TNS3: variants seen among roughly 807,000 people sequenced by gnomAD.
TNS3 encodes tensin-3.
TNS3 carries 45 observed loss-of-function variants against 140.9 expected under a neutral mutation model. That is an observed-to-expected ratio of 0.32 (90% CI 0.25 to 0.41). The LOEUF is 0.41. Ranked by LOEUF, TNS3 falls within the 10% of genes least tolerant of loss-of-function variation. The probability of loss-of-function intolerance (pLI) is 1.00; values close to 1 mark genes in which losing one functional copy is unlikely to be tolerated. For missense variants in TNS3, 1,716 were observed against 1,906.7 expected, an observed-to-expected ratio of 0.90 and a Z score of 1.86; for synonymous variants, 815 against 788.4, an observed-to-expected ratio of 1.03 and a Z score of -0.56.
At chr7:47,344,235 G>A (rs1449897349) in intron 20 of TNS3, among the ~76,000 whole-genome samples, 2 of 152,092 alleles carry the variant, frequency 1.3e-5, no homozygotes, top group Non-Finnish European at 2.9e-5. Flanking sequence ...ACACTCTCTC[G>A]CCTGAGCCAG....
chr7:47,558,247 A>AGCCGGT (rs1413779732), intron 1 of TNS3, among the ~76,000 whole-genome samples: 3 of 152,234 alleles, frequency 2.0e-5, no homozygotes, highest in Non-Finnish European at 2.9e-5. Flanking sequence ...AGCTACAGCA[A>AGCCGGT]GCCGGTGCCG....
At position 47,387,459 on chromosome 7, in the gene TNS3, G is replaced by A; in HGVS notation, c.1024+9341C>T. Among the ~76,000 whole-genome samples, 2 of 152,216 alleles carry A rather than the reference G, an allele frequency of 1.3e-5. 1 individual carries two copies. Among genetic ancestry groups the A allele is most frequent in the East Asian group, 3.8e-4 (2 of 5,200 alleles). On this transcript the variant is annotated intron_variant, in intron 16 of 30. Coordinates refer to ENST00000311160, the MANE Select transcript of TNS3 (RefSeq NM_022748.12). ...CTTAAAGGGAGCGTGCATGTGGATG[G>A]TGGTCTCCTAGCCCAGATGGCCGAA...
chr7:47,282,252 A>G (rs1011456600), intron 28 of TNS3, among the ~76,000 whole-genome samples: 27 of 145,484 alleles, frequency 1.9e-4, no homozygotes, highest in African/African-American at 7.0e-4. Context: ...GCCATACCCA[A>G]CTGGGACCCT....
intron 6 of TNS3, among the ~76,000 whole-genome samples, chr7:47,437,785 C>CAT (rs59194073): frequency 8.2e-6 from 1 of 121,984 alleles, no homozygotes; most frequent in Non-Finnish European, 1.8e-5. Context: ...CACACACACA[C>CAT]GTATAAAATA....
At chr7:47,480,822 ACTCGG>A (rs2151788191) in intron 4 of TNS3, among the ~76,000 whole-genome samples, 1 of 152,308 alleles carries the variant, frequency 6.6e-6, no homozygotes, top group African/African-American at 2.4e-5. Context: ...AGCCAAGGAA[ACTCGG>A]CCCAGGGAGA....
chr7:47,277,905 C>A lies in TNS3; in HGVS notation c.*171G>T, dbSNP rs35900574. ...GTCACTTTCAGGAAAGGCCAATTCACGGTGATGTTGTTTGTTCTTGTTTTT... is the reference window on the plus strand; with the variant it reads ...GTCACTTTCAGGAAAGGCCAATTCAAGGTGATGTTGTTTGTTCTTGTTTTT... On this transcript the variant is annotated 3_prime_UTR_variant, in exon 31 of 31. Transcript: ENST00000311160. 5,487 of 782,900 alleles carry A rather than the reference C, an allele frequency of 7.0e-3. 79 individuals are homozygous for A. The highest frequency in any genetic ancestry group is 0.048 in the Middle Eastern group (215 of 4,514). The allele number at this position is 782,900 out of a possible 1,614,324, so 48.5% of individuals were successfully genotyped here.
chr7:47,481,226 G>T, intron 3 of TNS3, 85 bp from the exon 4 acceptor site: 1 of 1,040,512 alleles, frequency 9.6e-7, no homozygotes, highest in Non-Finnish European at 1.3e-6. Context: ...CCCAAAGACT[G>T]AATGAAACTG....
intron 3 of TNS3, among the ~76,000 whole-genome samples, chr7:47,483,701 C>G (rs1004253187): frequency 1.3e-5 from 2 of 152,182 alleles, no homozygotes; most frequent in African/African-American, 4.8e-5. Context: ...AATAACGGCC[C>G]ACCACCTGGC....
intron 1 of TNS3, among the ~76,000 whole-genome samples, chr7:47,545,141 A>AT (rs34499360): frequency 0.07 from 8,567 of 121,914 alleles, 929 homozygotes; most frequent in African/African-American, 0.22. Flanking sequence ...GTAAGAGGGC[A>AT]TTTTTTTTTT....
rs779747125 is a variant in TNS3, at chr7:47,396,891, C to T, written c.933G>A (p.Leu311=). Residue 311 remains leucine (L), a synonymous_variant, in exon 16 of 31, where the codon TTG becomes TTA. Transcript: ENST00000311160. ...TPEKIQGSEH[L]YNDHGVIVDY... ...CCACAATCACACCGTGGTCGTTGTA[C>T]AAGTGTTCGGACCCTGCACAGAGCA... The T allele has an allele frequency of 6.2e-6, 10 of 1,613,904 alleles. No individual in the cohort carries two copies. Among genetic ancestry groups the T allele is most frequent in the Non-Finnish European group, 5.1e-6 (6 of 1,179,914 alleles).
At chr7:47,339,238 T>C (rs1395466640) in intron 20 of TNS3, among the ~76,000 whole-genome samples, 1 of 152,256 alleles carries the variant, frequency 6.6e-6, no homozygotes, top group South Asian at 2.1e-4. Flanking sequence ...CTTTTCCTTT[T>C]ATGGTTCATG....
At chr7:47,303,614 C>A in intron 21 of TNS3, 30 bp from the exon 22 acceptor site, 4 of 1,553,128 alleles carry the variant, frequency 2.6e-6, no homozygotes, top group South Asian at 2.4e-5. Context: ...ACCAAGACAG[C>A]ATGTAAGGTA....
At chr7:47,397,598 T>A (rs1042337985) in intron 15 of TNS3, among the ~76,000 whole-genome samples, 1 of 152,346 alleles carries the variant, frequency 6.6e-6, no homozygotes, top group East Asian at 1.9e-4. Flanking sequence ...GGGTTAATGA[T>A]GAAATCATGA....
intron 1 of TNS3, among the ~76,000 whole-genome samples, chr7:47,536,573 C>T (rs1799606228): frequency 6.6e-6 from 1 of 152,166 alleles, no homozygotes; most frequent in Non-Finnish European, 1.5e-5. Flanking sequence ...GCGCAATGGC[C>T]AGTATCCCAA....
At chr7:47,530,838 A>AAAAAAAAAATAT in intron 1 of TNS3, among the ~76,000 whole-genome samples, 4 of 54,562 alleles carry the variant, frequency 7.3e-5, no homozygotes, top group African/African-American at 3.2e-4. Context: ...AAAAAAAAAA[A>AAAAAAAAAATAT]ATATATATAT....
intron 4 of TNS3, among the ~76,000 whole-genome samples, chr7:47,447,786 C>T (rs568248150): frequency 1.3e-5 from 2 of 152,326 alleles, no homozygotes; most frequent in South Asian, 2.1e-4. Flanking sequence ...CCCCACCACG[C>T]GCCATTTGCC....
intron 17 of TNS3, among the ~76,000 whole-genome samples, chr7:47,348,284 A>G (rs1789465651): frequency 6.6e-6 from 1 of 152,206 alleles, no homozygotes; most frequent in Non-Finnish European, 1.5e-5. Flanking sequence ...AGTGACTGAG[A>G]GCCTGGTCCC....
At chr7:47,456,723 G>A (rs751673405) in intron 4 of TNS3, among the ~76,000 whole-genome samples, 1 of 151,974 alleles carries the variant, frequency 6.6e-6, no homozygotes, top group Non-Finnish European at 1.5e-5. Context: ...GTGCAGGCCC[G>A]GCAAGCACAC....
intron 17 of TNS3, among the ~76,000 whole-genome samples, chr7:47,361,224 A>AAAAAAAAAAAAAAAAAAAAAG (rs1790308327): frequency 6.7e-6 from 1 of 148,706 alleles, no homozygotes; most frequent in Non-Finnish European, 1.5e-5. Context: ...AAAAAAAAAA[A>AAAAAAAAAAAAAAAAAAAAAG]CAAGCAAGGG....
Sources: gnomAD v4.1 joint callset for allele counts (sites outside exome capture counted in the v4.1 genomes callset) on GRCh38, gnomAD v4.1.1 for gene constraint, MANE v1.5 for transcripts, NCBI Gene and HGNC (gene_info 2026-07-23, HGNC 2026-07-21) for gene names.